The following IGF1R variants were observed in gnomAD, a reference collection of about 807,000 sequenced individuals.
The protein encoded by IGF1R is insulin like growth factor 1 receptor, also known as insulin-like growth factor 1 receptor.
Under a neutral mutation model 144.6 loss-of-function variants are expected in IGF1R, and 44 were observed. That is an observed-to-expected ratio of 0.30 (90% CI 0.24 to 0.39). The LOEUF (loss-of-function observed/expected upper bound fraction) is 0.39, where lower values mean the gene tolerates loss of function less well. Among genes scored for constraint, IGF1R ranks in the 10% least tolerant of loss-of-function variants. The pLI is 1.00. For synonymous variants in IGF1R, 795 were observed against 722.8 expected (o/e 1.10, Z -1.60); for missense variants, 1,355 against 1,833.7 (o/e 0.74, Z 4.77).
intron 2 of IGF1R, among the ~76,000 whole-genome samples, chr15:98,849,641 C>G (rs900604060): frequency 6.6e-6 from 1 of 152,124 alleles, no homozygotes; most frequent in Non-Finnish European, 1.5e-5. Context: ...AGAAAAATAT[C>G]TGAAACTTCT....
intron 2 of IGF1R, among the ~76,000 whole-genome samples, chr15:98,738,406 C>G (rs1349265494): frequency 6.6e-6 from 1 of 152,150 alleles, no homozygotes; most frequent in Non-Finnish European, 1.5e-5. Context: ...CAGGTTGGCT[C>G]TTGCCTATAA....
intron 2 of IGF1R, among the ~76,000 whole-genome samples, chr15:98,803,522 A>ATTTATTTATTTATTTATTTG (rs145170365): frequency 6.6e-6 from 1 of 151,800 alleles, no homozygotes; most frequent in Non-Finnish European, 1.5e-5. Flanking sequence ...TTATTTATTT[A>ATTTATTTATTTATTTATTTG]TGAGATAGGG....
chr15:98,894,406 T>C (rs1467926399), intron 3 of IGF1R, among the ~76,000 whole-genome samples: 1 of 152,154 alleles, frequency 6.6e-6, no homozygotes, highest in Non-Finnish European at 1.5e-5. Flanking sequence ...TAACCCCAAA[T>C]TGGAAATTAC....
chr15:98,774,984 CCTT>C (rs1402504380), intron 2 of IGF1R, among the ~76,000 whole-genome samples: 2 of 152,190 alleles, frequency 1.3e-5, no homozygotes, highest in East Asian at 1.9e-4. Context: ...GAACCAGACT[CCTT>C]CTCCAGCTGG....
intron 7 of IGF1R, 57 bp downstream of exon 7, chr15:98,911,498 C>T: frequency 6.2e-7 from 1 of 1,610,854 alleles, no homozygotes; most frequent in Non-Finnish European, 8.5e-7. Context: ...ATGGGAGAGG[C>T]CAGTCTTTCG....
rs543306758 is a variant in IGF1R, at chr15:98,680,669, A to T, written c.95-26893A>T. 7.9e-5 allele frequency among the ~76,000 whole-genome samples: 12 copies of T among 152,000 alleles called. 3 individuals are homozygous for T. The highest frequency in any genetic ancestry group is 2.9e-4 in the African/African-American group (12 of 41,422). On this transcript the variant is annotated intron_variant, in intron 1 of 20. Transcript: ENST00000650285. Reference sequence around the variant, plus strand: ...AGCCTTGAACTCCTGGGCTCAACTGATTCTGTTGTGTCACCCTCCCCAAGT... The same window carrying T: ...AGCCTTGAACTCCTGGGCTCAACTGTTTCTGTTGTGTCACCCTCCCCAAGT...
rs767278224 is a variant in IGF1R at position 98,911,383 on chromosome 15, C to T, written c.1531C>T (p.Arg511Trp). The change falls in exon 7 of 21, where the codon CGG becomes TGG. Residue 511 changes from arginine (R) to tryptophan (W), a missense_variant. Transcript: ENST00000650285. ...SKNRIIITWHRYRPPDYRDLI... is the reference protein window; with the variant it reads ...SKNRIIITWHWYRPPDYRDLI... ...GAATCGCATCATCATAACCTGGCAC[C>T]GGTACCGGCCCCCTGACTACAGGGA... The T allele has an allele frequency of 1.8e-5, 29 of 1,614,066 alleles. No individual in the cohort carries two copies. The highest frequency in any genetic ancestry group is 2.3e-5 in the Non-Finnish European group (27 of 1,180,042).
At chr15:98,827,814 G>A (rs571054315) in intron 2 of IGF1R, among the ~76,000 whole-genome samples, 8 of 152,154 alleles carry the variant, frequency 5.3e-5, no homozygotes, top group African/African-American at 1.7e-4. Context: ...AACTCCTGAC[G>A]TCATGATCCA....
chr15:98,679,136 G>C (rs1012545152), intron 1 of IGF1R, among the ~76,000 whole-genome samples: 1 of 151,814 alleles, frequency 6.6e-6, no homozygotes, highest in African/African-American at 2.4e-5. Flanking sequence ...GAACTCCTGG[G>C]ATCAAGCGAC....
intron 2 of IGF1R, among the ~76,000 whole-genome samples, chr15:98,823,120 A>T (rs530956246): frequency 6.6e-6 from 1 of 152,274 alleles, no homozygotes; most frequent in African/African-American, 2.4e-5. Context: ...TGAAACCTTT[A>T]TTTCTCCAGG....
intron 1 of IGF1R, among the ~76,000 whole-genome samples, chr15:98,687,121 C>A (rs778949001): frequency 1.3e-5 from 2 of 152,222 alleles, no homozygotes; most frequent in African/African-American, 2.4e-5. Flanking sequence ...CCTTGTCATT[C>A]ATTTGCCCAG....
rs2017318950 is a variant in IGF1R at position 98,963,765 on chromosome 15, A to G, written c.*6323A>G. 4.3e-6 allele frequency: 1 copy of G among 233,116 alleles called. No homozygotes were observed. Among genetic ancestry groups the G allele is most frequent in the Non-Finnish European group, 8.5e-6 (1 of 117,988 alleles). The allele number at this position is 233,116 out of a possible 1,614,324, so 14.4% of individuals were successfully genotyped here. ...AGAGACCCTATTTTATTTAAGGCAG[A>G]ACCCCGAAGATACGTATTTCCAATA... On this transcript the variant is annotated 3_prime_UTR_variant, in exon 21 of 21. Coordinates refer to ENST00000650285, the MANE Select transcript of IGF1R (RefSeq NM_000875.5).
intron 18 of IGF1R, 68 bp from the exon 19 acceptor site, chr15:98,942,855 G>A (rs1324288049): frequency 1.9e-6 from 3 of 1,600,532 alleles, no homozygotes; most frequent in Non-Finnish European, 2.6e-6. Context: ...ATGAGTGTAG[G>A]GTCCTCTGCT....
intron 2 of IGF1R, among the ~76,000 whole-genome samples, chr15:98,733,947 C>T (rs1273919998): frequency 2.0e-5 from 3 of 152,168 alleles, no homozygotes; most frequent in East Asian, 3.8e-4. Context: ...GCTGATATTA[C>T]ATACCCCGGA....
chr15:98,912,982 A>G, intron 7 of IGF1R, 62 bp from the exon 8 acceptor site: 3 of 1,091,326 alleles, frequency 2.7e-6, no homozygotes, highest in South Asian at 2.5e-5. Flanking sequence ...GCCTCTGGGG[A>G]AGATTTTTGA....
chr15:98,843,162 A>G (rs903881780), intron 2 of IGF1R, among the ~76,000 whole-genome samples: 5 of 152,118 alleles, frequency 3.3e-5, no homozygotes, highest in East Asian at 1.9e-4. Context: ...TCATCCTTCA[A>G]CCTGCTGTGC....
chr15:98,739,758 AT>A (rs1567104069), intron 2 of IGF1R, among the ~76,000 whole-genome samples: 2 of 152,280 alleles, frequency 1.3e-5, no homozygotes, highest in East Asian at 3.9e-4. Flanking sequence ...CATGTGGCTA[AT>A]TTTCATATTT....
chr15:98,785,682 T>C (rs2055975665), intron 2 of IGF1R, among the ~76,000 whole-genome samples: 1 of 152,138 alleles, frequency 6.6e-6, no homozygotes, highest in Non-Finnish European at 1.5e-5. Context: ...ATAGTGTTGG[T>C]AAAGCAGTCT....
At chr15:98,716,972 C>G (rs1490695381) in intron 2 of IGF1R, among the ~76,000 whole-genome samples, 1 of 152,190 alleles carries the variant, frequency 6.6e-6, no homozygotes, top group Admixed American at 6.5e-5. Flanking sequence ...CCTGCCCTCA[C>G]TCTCAGTGTG....
Sources: gnomAD v4.1 joint callset for allele counts (sites outside exome capture counted in the v4.1 genomes callset) on GRCh38, gnomAD v4.1.1 for gene constraint, MANE v1.5 for transcripts, NCBI Gene and HGNC (gene_info 2026-07-23, HGNC 2026-07-21) for gene names.